The following C8orf76 variants were observed in gnomAD, a reference collection of about 807,000 sequenced individuals.
C8orf76 encodes the protein uncharacterized protein C8orf76.
A neutral mutation model predicts 38.1 loss-of-function variants in C8orf76; 46 were observed. The ratio of observed to expected loss-of-function variants is 1.21; its 90% confidence interval spans 0.95 to 1.54. C8orf76 has a LOEUF of 1.54. Ranked by LOEUF, C8orf76 falls within the 40% of genes most tolerant of loss-of-function variation. The pLI is 0.00. For missense variants in C8orf76, 461 were observed against 441.6 expected, an observed-to-expected ratio of 1.04 and a Z score of -0.39; for synonymous variants, 166 against 167.5, an observed-to-expected ratio of 0.99 and a Z score of 0.07.
chr8:123,224,183 G>A (rs1043659097), intron 5 of C8orf76, among the ~76,000 whole-genome samples: 4 of 151,930 alleles, frequency 2.6e-5, no homozygotes, highest in Admixed American at 2.6e-4. Context: ...TGAGACAAAA[G>A]GGCCACATAT....
chr8:123,234,674 C>T (rs1340444214), intron 3 of C8orf76, among the ~76,000 whole-genome samples: 2 of 152,152 alleles, frequency 1.3e-5, no homozygotes, highest in Non-Finnish European at 2.9e-5. Context: ...GTGGCTGAGA[C>T]AGGTGAATCG....
At chr8:123,232,561 C>T (rs1563800375) in intron 3 of C8orf76, among the ~76,000 whole-genome samples, 1 of 152,148 alleles carries the variant, frequency 6.6e-6, no homozygotes, top group Non-Finnish European at 1.5e-5. Context: ...GGCCTGCAAG[C>T]GTCCAGATCA....
intron 3 of C8orf76, among the ~76,000 whole-genome samples, chr8:123,235,814 T>C (rs1257158745): frequency 6.6e-6 from 1 of 151,590 alleles, no homozygotes; most frequent in Non-Finnish European, 1.5e-5. Flanking sequence ...TGCCACTACC[T>C]TCAACAATCA....
intron 4 of C8orf76, among the ~76,000 whole-genome samples, chr8:123,227,378 C>G (rs1043754696): frequency 1.3e-5 from 2 of 151,862 alleles, no homozygotes; most frequent in Admixed American, 1.3e-4. Flanking sequence ...CAACACTACG[C>G]TAGGCAATGA....
intron 2 of C8orf76, 56 bp downstream of exon 2, chr8:123,238,993 T>C (rs1161576510): frequency 2.6e-6 from 4 of 1,538,380 alleles, no homozygotes; most frequent in East Asian, 4.5e-5. Context: ...GTTATTTACA[T>C]ATGCCATAAC....
Position 123,231,491 on chromosome 8 carries a change from T to C in C8orf76, c.624A>G (p.Ser208=). The C allele has an allele frequency of 6.2e-7, 1 of 1,614,226 alleles. No homozygotes were observed. The highest frequency in any genetic ancestry group is 8.5e-7 in the Non-Finnish European group (1 of 1,180,046). ...DKTIKSFFPH[S]GKDCLLCFPE... is the part of the protein sequence containing the mutation. ...GAAAACACAAAAGACAGTCTTTTCC[T>C]GAGTGTGGAAAGAAGGATTTGATAG... The change falls in exon 4 of 6, where the codon TCA becomes TCG. Residue 208 remains serine, a synonymous_variant. Coordinates refer to ENST00000276704, the MANE Select transcript of C8orf76 (RefSeq NM_032847.3).
At chr8:123,226,336 C>G in intron 5 of C8orf76, 164 bp downstream of exon 5, 2 of 1,464,318 alleles carry the variant, frequency 1.4e-6, no homozygotes, top group Non-Finnish European at 1.8e-6. Flanking sequence ...GAATGCCGAT[C>G]AAGAGGCCGC....
chr8:123,232,276 T>C (rs974006118), intron 3 of C8orf76, among the ~76,000 whole-genome samples: 1 of 152,256 alleles, frequency 6.6e-6, no homozygotes, highest in Non-Finnish European at 1.5e-5. Flanking sequence ...CCATGCTTCA[T>C]GACGCATTCT....
At chr8:123,235,233 T>C (rs578164346) in intron 3 of C8orf76, among the ~76,000 whole-genome samples, 4 of 152,330 alleles carry the variant, frequency 2.6e-5, no homozygotes, top group African/African-American at 9.6e-5. Flanking sequence ...AGTCCTACTA[T>C]AAATTTTATC....
At chr8:123,234,701 G>A (rs1167082482) in intron 3 of C8orf76, among the ~76,000 whole-genome samples, 5 of 151,940 alleles carry the variant, frequency 3.3e-5, no homozygotes, top group African/African-American at 7.3e-5. Context: ...CCCAGGAGGC[G>A]GAGGTTGCAG....
intron 1 of C8orf76, among the ~76,000 whole-genome samples, chr8:123,240,924 G>C (rs1002441848): frequency 6.6e-6 from 1 of 152,218 alleles, no homozygotes; most frequent in Non-Finnish European, 1.5e-5. Context: ...GAGCAGTGAA[G>C]ACAAACGGGA....
chr8:123,225,538 A>G (rs1459286620), intron 5 of C8orf76, among the ~76,000 whole-genome samples: 1 of 152,218 alleles, frequency 6.6e-6, no homozygotes, highest in Admixed American at 6.5e-5. Flanking sequence ...TTAGCATGCC[A>G]TTACTTACGC....
At chr8:123,231,115 A>T (rs943105315) in intron 4 of C8orf76, among the ~76,000 whole-genome samples, 185 bp downstream of exon 4, 2 of 152,198 alleles carry the variant, frequency 1.3e-5, no homozygotes, top group African/African-American at 4.8e-5. Flanking sequence ...TTGTATTCTT[A>T]AACAAATGTA....
intron 1 of C8orf76, 51 bp from the exon 2 acceptor site, chr8:123,239,195 T>G: frequency 6.4e-7 from 1 of 1,570,700 alleles, no homozygotes; most frequent in Non-Finnish European, 8.7e-7. Flanking sequence ...CTTTTCCACC[T>G]CATATTCAGA....
chr8:123,226,190 G>T, intron 5 of C8orf76: 1 of 1,179,964 alleles, frequency 8.5e-7, no homozygotes, highest in South Asian at 2.5e-5. Flanking sequence ...CTACACAAAT[G>T]TAAGCATTCA....
chr8:123,236,924 C>T (rs2131161188), intron 3 of C8orf76: 1 of 1,386,330 alleles, frequency 7.2e-7, no homozygotes. Context: ...CGCCAAAATT[C>T]AGGACAAGGA....
intron 5 of C8orf76, among the ~76,000 whole-genome samples, chr8:123,223,962 T>C (rs1824956101): frequency 1.3e-5 from 2 of 151,598 alleles, no homozygotes; most frequent in Admixed American, 6.6e-5. Context: ...GAGAAGAAAA[T>C]AGGGAGTTAT....
chr8:123,238,409 T>A (rs1051354206), intron 2 of C8orf76, among the ~76,000 whole-genome samples: 25 of 152,062 alleles, frequency 1.6e-4, no homozygotes, highest in Admixed American at 2.6e-4. Context: ...TTTTTTTTTT[T>A]AAATAAATTA....
chr8:123,235,164 C>T (rs1563801322), intron 3 of C8orf76, among the ~76,000 whole-genome samples: 1 of 152,168 alleles, frequency 6.6e-6, no homozygotes, highest in African/African-American at 2.4e-5. Context: ...TTTCTTACCA[C>T]AGTTACCACA....
Sources: allele counts gnomAD v4.1 joint callset (sites outside exome capture counted in the v4.1 genomes callset), GRCh38; gene constraint gnomAD v4.1.1; transcripts MANE v1.5; gene names NCBI Gene and HGNC (gene_info 2026-07-23, HGNC 2026-07-21).